GRIA3: variants seen among roughly 807,000 people sequenced by gnomAD.
The protein encoded by GRIA3 is glutamate receptor 3.
Under a neutral mutation model 63.0 loss-of-function variants are expected in GRIA3, and 3 were observed. The observed-to-expected ratio is 0.05, with a 90% CI of 0.02 to 0.12. The LOEUF (loss-of-function observed/expected upper bound fraction) is 0.12, where lower values mean the gene tolerates loss of function less well. Ranked by LOEUF, GRIA3 falls within the 10% of genes least tolerant of loss-of-function variation. The pLI is 1.00. For missense variants in GRIA3, 347 were observed against 700.9 expected (o/e 0.50, Z 5.70); for synonymous variants, 274 against 257.9 (o/e 1.06, Z -0.60).
chrX:123,428,580 A>G (rs1273236492), intron 12 of GRIA3, among the ~76,000 whole-genome samples: 1 of 112,226 alleles, frequency 8.9e-6, no homozygotes, highest in Non-Finnish European at 1.9e-5. Context: ...TGAGTAATGG[A>G]CTATAAGAAA....
At position 123,398,752 on chromosome X, in the gene GRIA3, T is replaced by C. The variant is rs1190610536; in HGVS notation, c.1029T>C (p.Asn343=). The change falls in exon 7 of 16, where the codon AAT becomes AAC. Residue 343 remains asparagine (N), a synonymous_variant. Transcript: ENST00000620443. ...RRGSAGDCLA[N]PAVPWSQGID... ...GAAGTGCTGGAGACTGCTTAGCAAA[T>C]CCTGCTGTGCCCTGGAGTCAAGGAA... The C allele has an allele frequency of 4.1e-6, 5 of 1,207,862 alleles. No homozygotes were observed.
At position 123,328,858 on chromosome X, in the gene GRIA3, G is replaced by A. The variant is rs748219744; in HGVS notation, c.696+2645G>A. Among the ~76,000 whole-genome samples the A allele has an allele frequency of 2.8e-4, 31 of 111,992 alleles. No individual in the cohort carries two copies. In the East Asian group the frequency reaches 3.1e-3, roughly 11 times the overall value. On this transcript the variant is annotated intron_variant, in intron 4 of 15. Transcript: ENST00000620443. ...ATTCCAATGATCCAGTGAATTTGCC[G>A]TAATTTATTTTACGAAAATAAATTT...
At chrX:123,272,504 T>G (rs1303564822) in intron 3 of GRIA3, among the ~76,000 whole-genome samples, 1 of 111,968 alleles carries the variant, frequency 8.9e-6, no homozygotes, top group Admixed American at 9.5e-5. Flanking sequence ...AGGGTTGCCT[T>G]GGCTAACTCA....
intron 4 of GRIA3, 105 bp from the exon 5 acceptor site, chrX:123,354,805 C>T: frequency 1.7e-6 from 1 of 592,126 alleles, no homozygotes. Context: ...CTGTGATTTT[C>T]CTGTATATAA....
Position 123,464,924 on chromosome X carries a change from T to A in GRIA3, c.2136T>A (p.Ser712=). 3.3e-6 allele frequency: 4 copies of A among 1,208,922 alleles called. No individual in the cohort carries two copies. The South Asian group carries it at 7.0e-5, about 21-fold the overall frequency. The change falls in exon 13 of 16, where the codon TCT becomes TCA. Residue 712 remains serine (S), a synonymous_variant. Transcript: ENST00000620443. ...MWSYMKSAEP[S]VFTKTTADGV... Reference sequence around the variant, plus strand: ...CTTACATGAAATCAGCGGAGCCATCTGTGTTTACCAAAACAACAGCAGACG... The same window carrying A: ...CTTACATGAAATCAGCGGAGCCATCAGTGTTTACCAAAACAACAGCAGACG...
At chrX:123,345,357 T>C (rs182122112) in intron 4 of GRIA3, among the ~76,000 whole-genome samples, 25 of 108,041 alleles carry the variant, frequency 2.3e-4, no homozygotes, top group Non-Finnish European at 2.1e-4. Context: ...CTCCCCTGTA[T>C]TGGAAACACT....
At chrX:123,253,186 C>T (rs868522359) in intron 2 of GRIA3, 117 bp from the exon 3 acceptor site, 1 of 834,023 alleles carries the variant, frequency 1.2e-6, no homozygotes, top group Middle Eastern at 4.2e-4. Context: ...TTTTCAGGGG[C>T]TTCTTTCTTC....
chrX:123,487,533 T>C (rs990013375), intron 15 of GRIA3, among the ~76,000 whole-genome samples: 4 of 111,624 alleles, frequency 3.6e-5, no homozygotes, highest in African/African-American at 1.3e-4. Context: ...AAAAAAAGCA[T>C]TCTGGATAAC....
At chrX:123,466,015 C>T (rs947583958) in intron 13 of GRIA3, among the ~76,000 whole-genome samples, 1 of 111,690 alleles carries the variant, frequency 9.0e-6, no homozygotes, top group African/African-American at 3.3e-5. Context: ...CCAACCACAC[C>T]CTTTCCCTTC....
At chrX:123,331,039 A>C (rs2044938705) in intron 4 of GRIA3, among the ~76,000 whole-genome samples, 2 of 112,048 alleles carry the variant, frequency 1.8e-5, no homozygotes, top group African/African-American at 6.5e-5. Flanking sequence ...AGATTTACAC[A>C]TTCCTCCTTC....
intron 2 of GRIA3, among the ~76,000 whole-genome samples, chrX:123,191,433 T>C (rs941987448): frequency 8.9e-6 from 1 of 111,788 alleles, no homozygotes; most frequent in African/African-American, 3.3e-5. Flanking sequence ...TACAGAGCTA[T>C]AGATAGCCTC....
intron 13 of GRIA3, among the ~76,000 whole-genome samples, chrX:123,469,526 A>G (rs750216895): frequency 8.9e-6 from 1 of 112,199 alleles, no homozygotes; most frequent in Non-Finnish European, 1.9e-5. Context: ...CCCAAACCTG[A>G]GCTAATAGGA....
intron 2 of GRIA3, among the ~76,000 whole-genome samples, chrX:123,221,264 C>T (rs1248344857): frequency 8.9e-6 from 1 of 111,846 alleles, no homozygotes; most frequent in Non-Finnish European, 1.9e-5. Flanking sequence ...GCTTGGAAAA[C>T]ATGTAGGGTA....
intron 3 of GRIA3, among the ~76,000 whole-genome samples, chrX:123,260,334 T>C (rs1207490312): frequency 1.0e-5 from 1 of 98,093 alleles, no homozygotes; most frequent in Non-Finnish European, 2.0e-5. Flanking sequence ...AAGTTCCAGC[T>C]AAGTACCATG....
In GRIA3 at chrX:123,253,240, C is replaced by A. The variant is rs763075283; in HGVS notation, c.269-63C>A. Reference sequence around the variant, plus strand: ...GCCTAATTGTACATTGTATTTCTAACCCTACAAGTTGCAGCAAAGGACCAT... The same window carrying A: ...GCCTAATTGTACATTGTATTTCTAAACCTACAAGTTGCAGCAAAGGACCAT... On this transcript the variant is annotated intron_variant, in intron 2 of 15. Transcript: ENST00000620443. 4.4e-5 allele frequency: 51 copies of A among 1,167,921 alleles called. No homozygotes were observed. The East Asian group carries it at 1.5e-3, about 35-fold the overall frequency.
intron 12 of GRIA3, among the ~76,000 whole-genome samples, chrX:123,431,027 TAC>T (rs3050442): frequency 0.14 from 13,943 of 99,357 alleles, 749 homozygotes; most frequent in East Asian, 0.24. Flanking sequence ...GTAACTCACA[TAC>T]ACACACACAC....
At chrX:123,210,697 C>A (rs1484684787) in intron 2 of GRIA3, among the ~76,000 whole-genome samples, 2 of 111,518 alleles carry the variant, frequency 1.8e-5, no homozygotes, top group African/African-American at 3.3e-5. Context: ...TGTAGCTATT[C>A]CAGTCGACTT....
intron 12 of GRIA3, among the ~76,000 whole-genome samples, chrX:123,447,600 CTT>C (rs375707505): frequency 7.1e-5 from 8 of 112,093 alleles, no homozygotes; most frequent in African/African-American, 2.6e-4. Context: ...AGAAAAAAAA[CTT>C]TGCTTCAGCT....
At chrX:123,436,744 C>T (rs1476602264) in intron 12 of GRIA3, among the ~76,000 whole-genome samples, 2 of 111,499 alleles carry the variant, frequency 1.8e-5, no homozygotes, top group African/African-American at 6.5e-5. Context: ...TCACACAGGA[C>T]CCCCAGATCT....
Sources: allele counts gnomAD v4.1 joint callset (sites outside exome capture counted in the v4.1 genomes callset), GRCh38; gene constraint gnomAD v4.1.1; transcripts MANE v1.5; gene names NCBI Gene and HGNC (gene_info 2026-07-23, HGNC 2026-07-21).